MPP7: variants seen among roughly 807,000 people sequenced by gnomAD.
The protein encoded by MPP7 is MAGUK p55 subfamily member 7.
MPP7 carries 60 observed loss-of-function variants against 76.5 expected under a neutral mutation model. The ratio of observed to expected loss-of-function variants is 0.78; its 90% CI spans 0.64 to 0.97. The LOEUF (loss-of-function observed/expected upper bound fraction) is 0.97, where lower values mean the gene tolerates loss of function less well. Ranked by LOEUF, MPP7 falls within the 50% of genes least tolerant of loss-of-function variation. The probability of loss-of-function intolerance (pLI) is 0.00; values close to 1 mark genes in which losing one functional copy is unlikely to be tolerated. For synonymous variants in MPP7, 237 were observed against 244.5 expected (o/e 0.97, Z 0.29); for missense variants, 641 against 694.0 (o/e 0.92, Z 0.86).
At chr10:28,136,357 C>T (rs1181197894) in intron 5 of MPP7, among the ~76,000 whole-genome samples, 2 of 151,720 alleles carry the variant, frequency 1.3e-5, no homozygotes, top group Non-Finnish European at 2.9e-5. Flanking sequence ...AAGGTTGATC[C>T]AAAGAAACAC....
At chr10:28,264,291 T>C (rs1324324670) in intron 1 of MPP7, among the ~76,000 whole-genome samples, 1 of 151,824 alleles carries the variant, frequency 6.6e-6, no homozygotes, top group Non-Finnish European at 1.5e-5. Context: ...ACCCTGTCTC[T>C]TTTTTTTAAG....
intron 1 of MPP7, among the ~76,000 whole-genome samples, chr10:28,255,368 A>T (rs1212712267): frequency 1.3e-5 from 2 of 151,006 alleles, no homozygotes; most frequent in African/African-American, 4.9e-5. Context: ...CCCTCAGCCT[A>T]CCCAAAGTGC....
At chr10:28,295,943 C>T (rs893367369) in intron 1 of MPP7, among the ~76,000 whole-genome samples, 1 of 152,178 alleles carries the variant, frequency 6.6e-6, no homozygotes, top group African/African-American at 2.4e-5. Context: ...TATTCAAGCA[C>T]CTACCATAAT....
chr10:28,246,529 A>G (rs1207397923), intron 1 of MPP7, among the ~76,000 whole-genome samples: 1 of 152,224 alleles, frequency 6.6e-6, no homozygotes, highest in Non-Finnish European at 1.5e-5. Context: ...AAAGCTGAAT[A>G]TATGAACAAA....
intron 3 of MPP7, among the ~76,000 whole-genome samples, chr10:28,172,165 T>A (rs547402369): frequency 2.0e-5 from 3 of 152,234 alleles, no homozygotes; most frequent in Non-Finnish European, 2.9e-5. Flanking sequence ...AGTTGCAAGA[T>A]ACCAAATCTA....
chr10:28,192,240 T>C (rs920390733), intron 3 of MPP7, among the ~76,000 whole-genome samples: 2 of 152,206 alleles, frequency 1.3e-5, no homozygotes, highest in Non-Finnish European at 2.9e-5. Context: ...AAAAGATGTC[T>C]GTTTTCACCA....
At chr10:28,120,761 A>G in intron 8 of MPP7, 93 bp from the exon 9 acceptor site, 1 of 961,584 alleles carries the variant, frequency 1.0e-6, no homozygotes, top group East Asian at 2.6e-5. Flanking sequence ...CTGAAAATTT[A>G]CAAGCTTGGG....
intron 1 of MPP7, among the ~76,000 whole-genome samples, chr10:28,252,158 T>C (rs891442920): frequency 6.6e-6 from 1 of 152,200 alleles, no homozygotes; most frequent in Non-Finnish European, 1.5e-5. Context: ...CAAACTCCTG[T>C]GATTAGCAAA....
intron 12 of MPP7, among the ~76,000 whole-genome samples, chr10:28,088,927 G>A (rs919960110): frequency 6.6e-6 from 1 of 152,130 alleles, no homozygotes; most frequent in African/African-American, 2.4e-5. Context: ...CCAGGCTGGA[G>A]TGCAGTGGCG....
chr10:28,128,956 C>A (rs1835104847), intron 6 of MPP7, among the ~76,000 whole-genome samples: 2 of 152,268 alleles, frequency 1.3e-5, no homozygotes, highest in Middle Eastern at 3.4e-3. Flanking sequence ...GAGATAAGTG[C>A]CCTGATAGAA....
chr10:28,276,894 A>T (rs924935052), intron 1 of MPP7, among the ~76,000 whole-genome samples: 6 of 152,016 alleles, frequency 3.9e-5, no homozygotes, highest in African/African-American at 1.5e-4. Flanking sequence ...ATATTCTCTG[A>T]TTTAAAACCT....
chr10:28,156,417 T>A (rs938534974), intron 3 of MPP7, among the ~76,000 whole-genome samples: 6 of 152,182 alleles, frequency 3.9e-5, no homozygotes, highest in African/African-American at 1.4e-4. Flanking sequence ...ATACATATGA[T>A]ACAATCAAGA....
intron 1 of MPP7, among the ~76,000 whole-genome samples, chr10:28,277,486 C>A (rs1023705138): frequency 1.3e-5 from 2 of 151,920 alleles, no homozygotes; most frequent in Non-Finnish European, 2.9e-5. Flanking sequence ...CCGTCCTGGG[C>A]TGCATGCGGC....
rs146217321 is a variant in MPP7 at position 28,094,833 on chromosome 10, T to C, written c.953-4992A>G. On this transcript the variant is annotated intron_variant, in intron 11 of 16. Transcript: ENST00000683449. Reference sequence around the variant, plus strand: ...AGCCAGATGTGGTGGCACATGCCTATAATCCCAGCTACTTGGGAGGCTGAG... The same window carrying C: ...AGCCAGATGTGGTGGCACATGCCTACAATCCCAGCTACTTGGGAGGCTGAG... Among the ~76,000 whole-genome samples the C allele has an allele frequency of 2.3e-3, 352 of 152,298 alleles. 1 individual carries two copies. The highest frequency in any genetic ancestry group is 3.6e-3 in the Non-Finnish European group (244 of 68,028).
chr10:28,169,210 G>A (rs1372159444), intron 3 of MPP7, among the ~76,000 whole-genome samples: 1 of 152,056 alleles, frequency 6.6e-6, no homozygotes, highest in Non-Finnish European at 1.5e-5. Context: ...TAAACCACTA[G>A]CCAGGCATAG....
intron 1 of MPP7, among the ~76,000 whole-genome samples, chr10:28,239,311 A>G (rs113412554): frequency 0.012 from 1,880 of 150,890 alleles, 25 homozygotes; most frequent in South Asian, 0.024. Context: ...AAGCCTGGCT[A>G]ATTTTTTTTT....
rs1167202878 is a variant in MPP7, at chr10:28,270,534, G to GC, written c.-131-31800_-131-31799insG. Among the ~76,000 whole-genome samples the GC allele has an allele frequency of 9.7e-5, 11 of 113,442 alleles. No individual in the cohort carries two copies. In the East Asian group the frequency reaches 2.4e-3, roughly 24 times the overall value. The allele number at this position is 113,442 out of a possible 152,430, so 74.4% of individuals were successfully genotyped here. A position where few individuals can be genotyped will look rare whatever the true frequency, so the allele number is the denominator to read the frequency against. ...GACTATCTCTTTAAAAAAAAAAAAG[G>GC]GGGGGGGGGAGGAGGGGAGCTGGGG... On this transcript the variant is annotated intron_variant, in intron 1 of 16. Transcript: ENST00000683449.
intron 3 of MPP7, among the ~76,000 whole-genome samples, chr10:28,163,518 C>G (rs938521996): frequency 6.6e-6 from 1 of 152,154 alleles, no homozygotes. Context: ...ATCATGTTCA[C>G]ACCTATACAC....
At chr10:28,119,142 T>C (rs1474271322) in intron 11 of MPP7, 2 of 853,974 alleles carry the variant, frequency 2.3e-6, no homozygotes, top group Non-Finnish European at 2.8e-6. Flanking sequence ...CTTTCTCTCA[T>C]TTTCTTTTAA....
Sources: allele counts gnomAD v4.1 joint callset (sites outside exome capture counted in the v4.1 genomes callset), GRCh38; gene constraint gnomAD v4.1.1; transcripts MANE v1.5; gene names NCBI Gene and HGNC (gene_info 2026-07-23, HGNC 2026-07-21).